VXN: variants seen among roughly 807,000 people sequenced by gnomAD.
The protein encoded by VXN is vexin, also known as uncharacterized protein C8orf46.
Under a neutral mutation model 23.1 loss-of-function variants are expected in VXN, and 7 were observed. The observed-to-expected ratio is 0.30, with a 90% CI of 0.17 to 0.57. VXN has a LOEUF of 0.57. Ranked by LOEUF, VXN falls within the 20% of genes least tolerant of loss-of-function variation. The pLI is 0.91. For synonymous variants in VXN, 120 were observed against 105.8 expected (o/e 1.13, Z -0.83); for missense variants, 238 against 272.6 (o/e 0.87, Z 0.89).
intron 3 of VXN, among the ~76,000 whole-genome samples, chr8:66,506,240 T>A (rs1807757852): frequency 6.8e-6 from 1 of 146,980 alleles, no homozygotes; most frequent in African/African-American, 2.7e-5. Flanking sequence ...ACAGTGTGTG[T>A]GTGTGTGTGT....
chr8:66,515,340 G>A (rs1476775986), intron 5 of VXN, among the ~76,000 whole-genome samples: 3 of 152,190 alleles, frequency 2.0e-5, no homozygotes, highest in Non-Finnish European at 4.4e-5. Flanking sequence ...AGGGGTTAAG[G>A]CATGAACACA....
chr8:66,516,180 T>C lies in VXN; in HGVS notation c.*104T>C. 2.9e-6 allele frequency: 3 copies of C among 1,029,082 alleles called. No homozygotes were observed. Among genetic ancestry groups the C allele is most frequent in the Non-Finnish European group, 4.1e-6 (3 of 734,244 alleles). 63.7% of individuals were successfully genotyped at this position (1,029,082 alleles called of 1,614,324 possible). On this transcript the variant is annotated 3_prime_UTR_variant, in exon 6 of 6. Transcript: ENST00000305454. ...CACACGCACCTCTGCTAGTAGCTGG[T>C]CCAAACCCATTATCCTCCCTCACTC...
intron 5 of VXN, among the ~76,000 whole-genome samples, chr8:66,514,748 AT>A (rs146007095): frequency 6.6e-6 from 1 of 152,220 alleles, no homozygotes; most frequent in African/African-American, 2.4e-5. Context: ...GAAAGAGATA[AT>A]ATGTGGAGAG....
In VXN at chr8:66,518,028, A is replaced by T. The variant is rs1213111891; in HGVS notation, c.*1952A>T. On this transcript the variant is annotated 3_prime_UTR_variant, in exon 6 of 6. Coordinates refer to ENST00000305454, the MANE Select transcript of VXN (RefSeq NM_152765.4). Reference sequence around the variant, plus strand: ...CTGAACACCAGATCCTCATATCTGAAAGTGATTTGGAGACCTGGGCATCAA... The same window carrying T: ...CTGAACACCAGATCCTCATATCTGATAGTGATTTGGAGACCTGGGCATCAA... The T allele has an allele frequency of 6.6e-5, 10 of 152,218 alleles. No individual in the cohort carries two copies. In the East Asian group the frequency reaches 1.9e-3, roughly 29 times the overall value. The allele number at this position is 152,218 out of a possible 1,614,324, so 9.4% of individuals were successfully genotyped here.
chr8:66,510,098 G>T lies in VXN; in HGVS notation c.283G>T (p.Gly95Trp). 6.2e-7 allele frequency: 1 copy of T among 1,613,896 alleles called. No individual in the cohort carries two copies. Among genetic ancestry groups the T allele is most frequent in the Non-Finnish European group, 8.5e-7 (1 of 1,179,816 alleles). ...ATCTCCTCTGTTCAACATTGCAGTG[G>T]GGATTTCTGAACCCAAAACATCAAA... is the stretch of plus-strand genomic sequence containing the variant. ...HPAKASARPV[G>W]ISEPKTSNLC... is the part of the protein sequence containing the mutation. The change falls in exon 4 of 6, where the codon GGG becomes TGG. Residue 95 changes from glycine to tryptophan, a missense_variant and splice_region_variant. Gly to Trp is a radical substitution (Grantham distance 184). Transcript: ENST00000305454.
chr8:66,507,742 G>A (rs1329059289), intron 3 of VXN, among the ~76,000 whole-genome samples: 4 of 148,000 alleles, frequency 2.7e-5, no homozygotes, highest in Non-Finnish European at 6.0e-5. Flanking sequence ...ACTGAGCTGG[G>A]GATTGGTTCA....
intron 1 of VXN, chr8:66,495,134 T>A (rs1039405748): frequency 3.3e-5 from 5 of 152,120 alleles, no homozygotes; most frequent in Non-Finnish European, 2.9e-5. Flanking sequence ...CAGATAAAAT[T>A]AGTGATCTCA....
intron 5 of VXN, 171 bp downstream of exon 5, chr8:66,513,808 C>T (rs1231583771): frequency 2.8e-5 from 16 of 569,560 alleles, no homozygotes; most frequent in African/African-American, 1.9e-5. Context: ...GTCTCTGCAG[C>T]GCCTCATCAA....
intron 2 of VXN, chr8:66,505,110 C>A (rs933418544): frequency 5.1e-6 from 3 of 582,778 alleles, no homozygotes; most frequent in Non-Finnish European, 9.6e-6. Context: ...GAAGGGCCTG[C>A]TGTTGAGGAA....
At chr8:66,514,094 G>A (rs775907630) in intron 5 of VXN, 16 of 169,054 alleles carry the variant, frequency 9.5e-5, no homozygotes, top group Non-Finnish European at 1.7e-4. Context: ...ATCCAGAACC[G>A]GCAGCTAGGG....
intron 2 of VXN, among the ~76,000 whole-genome samples, chr8:66,503,792 G>T (rs186551546): frequency 2.6e-5 from 4 of 152,284 alleles, no homozygotes; most frequent in African/African-American, 7.2e-5. Flanking sequence ...AATAAACCAG[G>T]CTGTCAGGAG....
intron 1 of VXN, among the ~76,000 whole-genome samples, chr8:66,494,363 C>A (rs1014817453): frequency 5.3e-5 from 8 of 152,144 alleles, no homozygotes; most frequent in African/African-American, 1.7e-4. Flanking sequence ...CTCCAAGTGT[C>A]TGGTTCCTGG....
intron 3 of VXN, among the ~76,000 whole-genome samples, chr8:66,506,232 A>AGTGT (rs61613088): frequency 0.066 from 9,250 of 140,340 alleles, 335 homozygotes; most frequent in African/African-American, 0.092. Context: ...AGAGAGAGAC[A>AGTGT]GTGTGTGTGT....
At chr8:66,509,566 T>C (rs1052160740) in intron 3 of VXN, among the ~76,000 whole-genome samples, 3 of 152,212 alleles carry the variant, frequency 2.0e-5, no homozygotes, top group African/African-American at 4.8e-5. Flanking sequence ...GTTAAATAAC[T>C]GATCCCAGCT....
Position 66,513,634 on chromosome 8 carries a change from G to C in VXN, c.437G>C (p.Arg146Thr). ...ACAGAGAAGGGAGCTGTTCTGATGA[G>C]AGGGTAAGTGCTGCGTCTCTGGCCC... ...MGTEKGAVLMRGSRHLKKMTE... is the reference protein window; with the variant it reads ...MGTEKGAVLMTGSRHLKKMTE... The change falls in exon 5 of 6, where the codon AGA becomes ACA. Residue 146 changes from arginine (R) to threonine (T), a missense_variant. This residue lies in a region of VXN where 223 missense variants were observed against 236.9 expected (regional missense o/e 0.94). Coordinates refer to ENST00000305454, the MANE Select transcript of VXN (RefSeq NM_152765.4). The C allele has an allele frequency of 1.9e-6, 3 of 1,613,768 alleles. No homozygotes were observed. Among genetic ancestry groups the C allele is most frequent in the South Asian group, 1.1e-5 (1 of 91,064 alleles).
At chr8:66,508,680 C>A (rs1476305027) in intron 3 of VXN, among the ~76,000 whole-genome samples, 2 of 152,196 alleles carry the variant, frequency 1.3e-5, no homozygotes, top group Non-Finnish European at 2.9e-5. Flanking sequence ...GCCTCCTTAA[C>A]CCTGCAAGAC....
At chr8:66,505,729 C>T (rs1807747259) in intron 3 of VXN, among the ~76,000 whole-genome samples, 1 of 152,256 alleles carries the variant, frequency 6.6e-6, no homozygotes, top group Admixed American at 6.5e-5. Flanking sequence ...TAGCCTCACA[C>T]AGCATCTTCT....
intron 2 of VXN, among the ~76,000 whole-genome samples, chr8:66,497,790 G>A (rs1212413403): frequency 2.0e-5 from 3 of 152,156 alleles, no homozygotes; most frequent in Admixed American, 1.3e-4. Context: ...ACTTTGGGAG[G>A]TTGAAGCAGA....
In VXN at chr8:66,505,534, T is replaced by A; in HGVS notation, c.280+6T>A. 6.7e-7 allele frequency: 1 copy of A among 1,491,018 alleles called. No individual in the cohort carries two copies. Among genetic ancestry groups the A allele is most frequent in the African/African-American group, 1.4e-5 (1 of 71,664 alleles). 92.4% of individuals were successfully genotyped at this position (1,491,018 alleles called of 1,614,324 possible). On this transcript the variant is annotated splice_donor_region_variant and intron_variant, in intron 3 of 5. Transcript: ENST00000305454. ...CAAAGCCTCTGCCAGACCCGGTACG[T>A]GAGTCCCGGCCCCAGCTCCCCGCAC...
Sources: allele counts gnomAD v4.1 joint callset (sites outside exome capture counted in the v4.1 genomes callset), GRCh38; gene constraint gnomAD v4.1.1; regional missense constraint gnomAD v4.1.1; transcripts MANE v1.5; gene names NCBI Gene and HGNC (gene_info 2026-07-23, HGNC 2026-07-21).